Variants in ITGA1 observed in about 807,000 individuals in gnomAD.
ITGA1 encodes the protein integrin subunit alpha 1, also known as integrin alpha-1.
ITGA1 carries 85 observed loss-of-function variants against 145.9 expected under a neutral mutation model. The ratio of observed to expected loss-of-function variants is 0.58; its 90% confidence interval spans 0.49 to 0.70. ITGA1 has a LOEUF of 0.70. Ranked by LOEUF, ITGA1 falls within the 30% of genes least tolerant of loss-of-function variation. The pLI is 0.00. For missense variants in ITGA1, 1,351 were observed against 1,418.7 expected (o/e 0.95, Z 0.77); for synonymous variants, 520 against 495.3 (o/e 1.05, Z -0.66).
At position 52,954,276 on chromosome 5, in the gene ITGA1, C is replaced by G. The variant is rs556521061; in HGVS notation, c.*1825C>G. On this transcript the variant is annotated 3_prime_UTR_variant, in exon 29 of 29. Transcript: ENST00000282588. ...TTCAGAGTTACCATGTTGCACACCC[C>G]CAGTGCTCAGCCTGCCCAGAAGCCC... 6.6e-6 allele frequency: 1 copy of G among 152,190 alleles called. No homozygotes were observed. The highest frequency in any genetic ancestry group is 2.4e-5 in the African/African-American group (1 of 41,424). 9.4% of individuals were successfully genotyped at this position (152,190 alleles called of 1,614,324 possible). A position where few individuals can be genotyped will look rare whatever the true frequency, so the allele number is the denominator to read the frequency against.
chr5:52,901,746 G>A lies in ITGA1; in HGVS notation c.1309+3363G>A, dbSNP rs148260744. The stretch of plus-strand genomic sequence containing the variant: ...ATTCAACTTAAAGATGCCACTGCAA[G>A]TAAGAAAATATTAAGAATCTTATTT... On this transcript the variant is annotated intron_variant, in intron 11 of 28. Transcript: ENST00000282588. 1.2e-4 allele frequency: 19 copies of A among 152,240 alleles called. No individual in the cohort carries two copies. The East Asian group carries it at 3.7e-3, about 29-fold the overall frequency. The allele number at this position is 152,240 out of a possible 1,614,324, so 9.4% of individuals were successfully genotyped here.
chr5:52,800,498 T>A (rs777164866), intron 1 of ITGA1: 3 of 1,614,018 alleles, frequency 1.9e-6, no homozygotes, highest in Non-Finnish European at 2.5e-6. Context: ...CTCGTGCAGG[T>A]GGGCGACAGC....
At chr5:52,836,675 G>A (rs577500946) in intron 1 of ITGA1, among the ~76,000 whole-genome samples, 2 of 151,976 alleles carry the variant, frequency 1.3e-5, no homozygotes, top group Non-Finnish European at 2.9e-5. Flanking sequence ...CCCATTCCTT[G>A]ATCTCAATGT....
At chr5:52,838,401 T>G (rs1749197265) in intron 1 of ITGA1, among the ~76,000 whole-genome samples, 2 of 152,120 alleles carry the variant, frequency 1.3e-5, no homozygotes, top group South Asian at 4.1e-4. Context: ...GTTTTTGGTT[T>G]TGGTTGAGGT....
intron 26 of ITGA1, among the ~76,000 whole-genome samples, chr5:52,942,303 T>C (rs1390506681): frequency 6.6e-6 from 1 of 152,200 alleles, no homozygotes; most frequent in Non-Finnish European, 1.5e-5. Context: ...TTTTTTCTAA[T>C]TCTGTGAAAA....
At chr5:52,890,658 A>G (rs1018164434) in intron 8 of ITGA1, among the ~76,000 whole-genome samples, 1 of 152,232 alleles carries the variant, frequency 6.6e-6, no homozygotes, top group Admixed American at 6.5e-5. Flanking sequence ...ACAGGCATAC[A>G]GTGGCTAATG....
In ITGA1 at chr5:52,897,560, T is replaced by C. The variant is rs73108325; in HGVS notation, c.1164+32T>C. 3,728 of 1,569,804 alleles carry C rather than the reference T, an allele frequency of 2.4e-3. 81 individuals are homozygous for C. The African/African-American group carries it at 0.045, about 19-fold the overall frequency. On this transcript the variant is annotated intron_variant, in intron 10 of 28. Coordinates refer to ENST00000282588, the MANE Select transcript of ITGA1 (RefSeq NM_181501.2). ...TGACCAGTTGGTGAAAAATGAAATA[T>C]ATGTTTGCAAGACTTCCCTTCCCAA...
At chr5:52,906,438 T>C (rs1343118569) in intron 12 of ITGA1, among the ~76,000 whole-genome samples, 3 of 152,148 alleles carry the variant, frequency 2.0e-5, no homozygotes, top group Non-Finnish European at 2.9e-5. Flanking sequence ...TATTTAAAAT[T>C]GAAAAATTCT....
intron 26 of ITGA1, among the ~76,000 whole-genome samples, chr5:52,943,878 G>A (rs1476988284): frequency 1.3e-5 from 2 of 152,150 alleles, no homozygotes; most frequent in Non-Finnish European, 2.9e-5. Flanking sequence ...CTCAGAGTCA[G>A]GCTCTGGTTG....
rs917019663 is a variant in ITGA1, at chr5:52,958,059, C to T, written c.*5608C>T. The T allele has an allele frequency of 7.9e-5, 12 of 152,166 alleles. No individual in the cohort carries two copies. Among genetic ancestry groups the T allele is most frequent in the African/African-American group, 2.9e-4 (12 of 41,438 alleles). The allele number at this position is 152,166 out of a possible 1,614,324, so 9.4% of individuals were successfully genotyped here. ...ATCTCTCTATTGCATTACTTATCCT[C>T]ACCCTTGTTTTTTAAGAGGTAGAGA... On this transcript the variant is annotated 3_prime_UTR_variant, in exon 29 of 29. Transcript: ENST00000282588.
intron 2 of ITGA1, among the ~76,000 whole-genome samples, chr5:52,856,906 C>A (rs958043605): frequency 6.6e-6 from 1 of 152,176 alleles, no homozygotes; most frequent in Admixed American, 6.5e-5. Flanking sequence ...AGTGTCCAAG[C>A]TGGCTTTCCT....
At chr5:52,945,609 G>A (rs1052809657) in intron 27 of ITGA1, among the ~76,000 whole-genome samples, 4 of 152,016 alleles carry the variant, frequency 2.6e-5, no homozygotes, top group Admixed American at 1.3e-4. Context: ...CCAAGGTGAC[G>A]GAGTAAGACC....
At chr5:52,926,004 T>C (rs1750799762) in intron 19 of ITGA1, among the ~76,000 whole-genome samples, 1 of 152,196 alleles carries the variant, frequency 6.6e-6, no homozygotes, top group Non-Finnish European at 1.5e-5. Flanking sequence ...CTGTGTAAGA[T>C]GCTATATCAG....
In ITGA1 at chr5:52,879,864, G is replaced by A. The variant is rs111964697; in HGVS notation, c.625-2009G>A. Reference sequence around the variant, plus strand: ...AGTGCATGTTCATTCAGCTGATGATGTAACCTCATCTTACAATTACATATA... The same window carrying A: ...AGTGCATGTTCATTCAGCTGATGATATAACCTCATCTTACAATTACATATA... On this transcript the variant is annotated intron_variant, in intron 6 of 28. Transcript: ENST00000282588. Among the ~76,000 whole-genome samples, 574 of 152,288 alleles carry A rather than the reference G, an allele frequency of 3.8e-3. 3 individuals carry two copies. Among genetic ancestry groups the A allele is most frequent in the African/African-American group, 0.013 (546 of 41,556 alleles).
At chr5:52,948,657 C>G (rs1183172852) in intron 28 of ITGA1, among the ~76,000 whole-genome samples, 1 of 152,224 alleles carries the variant, frequency 6.6e-6, no homozygotes, top group Admixed American at 6.5e-5. Flanking sequence ...AGTGTTCTCT[C>G]TGTAATACCT....
intron 7 of ITGA1, among the ~76,000 whole-genome samples, chr5:52,886,761 C>G (rs2447866): frequency 0.22 from 33,394 of 151,934 alleles, 3,962 homozygotes; most frequent in African/African-American, 0.3. Flanking sequence ...CAATTAAATT[C>G]AAATTCGGTT....
Position 52,788,518 on chromosome 5 carries a change from C to T in ITGA1, c.61+104C>T, listed in dbSNP as rs544874706. On this transcript the variant is annotated intron_variant, in intron 1 of 28. Transcript: ENST00000282588. ...ATGGGCCAGATAGGAAGAGAGAGCGCCCATCCACTTTCGGGCATTCCAGGT... is the reference window on the plus strand; with the variant it reads ...ATGGGCCAGATAGGAAGAGAGAGCGTCCATCCACTTTCGGGCATTCCAGGT... 5.0e-6 allele frequency: 5 copies of T among 996,492 alleles called. No individual in the cohort carries two copies. The South Asian group carries it at 6.0e-5, about 12-fold the overall frequency. 61.7% of individuals were successfully genotyped at this position (996,492 alleles called of 1,614,324 possible). A position where few individuals can be genotyped will look rare whatever the true frequency, so the allele number is the denominator to read the frequency against.
chr5:52,823,545 A>G (rs1017408579), intron 1 of ITGA1, among the ~76,000 whole-genome samples: 1 of 152,214 alleles, frequency 6.6e-6, no homozygotes, highest in Non-Finnish European at 1.5e-5. Flanking sequence ...CAATAAGTCC[A>G]TCTTATTCTC....
intron 2 of ITGA1, among the ~76,000 whole-genome samples, chr5:52,852,639 A>G (rs1749447224): frequency 6.6e-6 from 1 of 152,168 alleles, no homozygotes; most frequent in Non-Finnish European, 1.5e-5. Context: ...GCTCCAGTTC[A>G]AGGTGATTTC....
Sources: allele counts gnomAD v4.1 joint callset (sites outside exome capture counted in the v4.1 genomes callset), GRCh38; gene constraint gnomAD v4.1.1; transcripts MANE v1.5; gene names NCBI Gene and HGNC (gene_info 2026-07-23, HGNC 2026-07-21).